Variants in COL25A1 observed in about 807,000 individuals in gnomAD.
COL25A1 encodes collagen type XXV alpha 1 chain.
A neutral mutation model predicts 128.4 loss-of-function variants in COL25A1; 103 were observed. The ratio of observed to expected loss-of-function variants is 0.80; its 90% confidence interval spans 0.68 to 0.94. The LOEUF (loss-of-function observed/expected upper bound fraction) is 0.94. COL25A1 is among the 40% of genes least tolerant of loss of function. COL25A1 has a pLI of 0.00. For synonymous variants in COL25A1, 279 were observed against 277.2 expected, an observed-to-expected ratio of 1.01 and a Z score of -0.06; for missense variants, 745 against 840.0, an observed-to-expected ratio of 0.89 and a Z score of 1.40.
chr4:109,158,855 C>T (rs1772280669), intron 3 of COL25A1, among the ~76,000 whole-genome samples: 1 of 152,168 alleles, frequency 6.6e-6, no homozygotes, highest in South Asian at 2.1e-4. Flanking sequence ...AACACCTGTC[C>T]ATGGTTACCT....
At chr4:108,866,468 C>T (rs1367256116) in intron 20 of COL25A1, among the ~76,000 whole-genome samples, 5 of 152,332 alleles carry the variant, frequency 3.3e-5, no homozygotes, top group African/African-American at 1.2e-4. Context: ...GCTGGGATTA[C>T]AGGCGTAAGC....
chr4:109,185,312 T>TTG (rs1278437547), intron 3 of COL25A1, among the ~76,000 whole-genome samples: 1 of 152,168 alleles, frequency 6.6e-6, no homozygotes, highest in African/African-American at 2.4e-5. Context: ...CATTGAGCAC[T>TTG]TATCCTTATA....
At chr4:109,029,001 G>A (rs1758585894) in intron 5 of COL25A1, among the ~76,000 whole-genome samples, 1 of 152,184 alleles carries the variant, frequency 6.6e-6, no homozygotes, top group Non-Finnish European at 1.5e-5. Context: ...GGCCATGTTA[G>A]ATTAGAGAGA....
chr4:108,845,158 A>C, intron 29 of COL25A1, 31 bp downstream of exon 29: 2 of 1,590,140 alleles, frequency 1.3e-6, no homozygotes, highest in African/African-American at 2.7e-5. Flanking sequence ...GAGGTTCAGG[A>C]ACAATGGAAG....
At chr4:109,100,723 A>G (rs1368895238) in intron 3 of COL25A1, among the ~76,000 whole-genome samples, 1 of 152,172 alleles carries the variant, frequency 6.6e-6, no homozygotes, top group Non-Finnish European at 1.5e-5. Context: ...TCTAGTAAGT[A>G]CTGTTAATTA....
intron 3 of COL25A1, among the ~76,000 whole-genome samples, chr4:109,141,404 G>C (rs1030520436): frequency 6.6e-5 from 10 of 151,582 alleles, no homozygotes; most frequent in African/African-American, 2.4e-4. Flanking sequence ...CTTTTTTTGT[G>C]TGTGTCTCTG....
intron 3 of COL25A1, among the ~76,000 whole-genome samples, chr4:109,240,406 A>G (rs1405443905): frequency 1.3e-5 from 2 of 152,026 alleles, no homozygotes; most frequent in Non-Finnish European, 2.9e-5. Context: ...TCATATATGC[A>G]GTTTGTTACT....
intron 3 of COL25A1, among the ~76,000 whole-genome samples, chr4:109,191,241 T>C (rs1285944435): frequency 1.3e-5 from 2 of 152,230 alleles, no homozygotes; most frequent in African/African-American, 2.4e-5. Flanking sequence ...AAATAAATTA[T>C]GTATTTGCCT....
At chr4:108,985,469 A>G (rs1753578390) in intron 6 of COL25A1, among the ~76,000 whole-genome samples, 1 of 152,204 alleles carries the variant, frequency 6.6e-6, no homozygotes, top group African/African-American at 2.4e-5. Flanking sequence ...GTTGAATTGC[A>G]GGACAGAAGG....
At chr4:109,301,630 T>G in intron 2 of COL25A1, 93 bp downstream of exon 2, 1 of 1,427,844 alleles carries the variant, frequency 7.0e-7, no homozygotes, top group Non-Finnish European at 9.6e-7. Context: ...CCACACCAAG[T>G]ATGGGTACAG....
rs1197863192 is a variant in COL25A1 at position 108,928,694 on chromosome 4, C to T, written c.709-8090G>A. Among the ~76,000 whole-genome samples the T allele has an allele frequency of 2.6e-5, 4 of 152,146 alleles. No homozygotes were observed. In the East Asian group the frequency reaches 7.7e-4, roughly 29 times the overall value. ...AGTAGCTGGGACTACACGCATGAGCCACCAAGACTAATTTTTGTTTTTGTT... is the reference window on the plus strand; with the variant it reads ...AGTAGCTGGGACTACACGCATGAGCTACCAAGACTAATTTTTGTTTTTGTT... On this transcript the variant is annotated intron_variant, in intron 11 of 37. Transcript: ENST00000399132.
rs1748219853 is a variant in COL25A1 at position 108,942,381 on chromosome 4, G to T, written c.493-944C>A. The T allele has an allele frequency of 7.4e-6, 7 of 947,662 alleles. No homozygotes were observed. The South Asian group carries it at 1.1e-4, about 14-fold the overall frequency. The allele number at this position is 947,662 out of a possible 1,614,324, so 58.7% of individuals were successfully genotyped here. ...TAGCACCTCCCTTTCCTGGGACTTA[G>T]AAGTCTTGCCTCATCTGACATACCA... is the stretch of plus-strand genomic sequence containing the variant. On this transcript the variant is annotated intron_variant, in intron 8 of 37. Transcript: ENST00000399132.
chr4:109,175,892 A>C (rs1560814584), intron 3 of COL25A1, among the ~76,000 whole-genome samples: 1 of 152,202 alleles, frequency 6.6e-6, no homozygotes, highest in Non-Finnish European at 1.5e-5. Flanking sequence ...TTTAGCTTAT[A>C]CTTTATGACC....
chr4:109,130,748 T>G (rs1466358894), intron 3 of COL25A1, among the ~76,000 whole-genome samples: 1 of 152,200 alleles, frequency 6.6e-6, no homozygotes, highest in Non-Finnish European at 1.5e-5. Context: ...AAGAGGGACC[T>G]AAAAAACTAA....
At chr4:109,058,029 G>A (rs1423340442) in intron 3 of COL25A1, among the ~76,000 whole-genome samples, 1 of 152,140 alleles carries the variant, frequency 6.6e-6, no homozygotes, top group Non-Finnish European at 1.5e-5. Context: ...TCCAGAAATG[G>A]AATTCCAGAA....
At chr4:109,267,711 C>T (rs1781886272) in intron 3 of COL25A1, among the ~76,000 whole-genome samples, 1 of 152,142 alleles carries the variant, frequency 6.6e-6, no homozygotes, top group Non-Finnish European at 1.5e-5. Context: ...AAAAGAAACA[C>T]TCTGGAGCAT....
intron 3 of COL25A1, among the ~76,000 whole-genome samples, chr4:109,151,355 A>T (rs1771484599): frequency 6.6e-6 from 1 of 152,082 alleles, no homozygotes; most frequent in African/African-American, 2.4e-5. Context: ...GACACACTAG[A>T]CTTAGCATTC....
intron 5 of COL25A1, among the ~76,000 whole-genome samples, chr4:109,031,535 C>T (rs553531385): frequency 9.2e-5 from 14 of 152,338 alleles, no homozygotes; most frequent in African/African-American, 3.1e-4. Context: ...ATGCCAGCAG[C>T]TGGGTAAGCT....
intron 3 of COL25A1, among the ~76,000 whole-genome samples, chr4:109,209,549 T>C (rs1332607084): frequency 6.6e-6 from 1 of 152,188 alleles, no homozygotes; most frequent in Non-Finnish European, 1.5e-5. Flanking sequence ...GGGATATTTA[T>C]GAGATTCATA....
Sources: allele counts gnomAD v4.1 joint callset (sites outside exome capture counted in the v4.1 genomes callset), GRCh38; gene constraint gnomAD v4.1.1; transcripts MANE v1.5; gene names NCBI Gene and HGNC (gene_info 2026-07-23, HGNC 2026-07-21).